MYO5B: variants seen among roughly 807,000 people sequenced by gnomAD.
MYO5B encodes the protein myosin VB, also known as unconventional myosin-Vb.
A neutral mutation model predicts 229.3 loss-of-function variants in MYO5B; 143 were observed. That is an observed-to-expected ratio of 0.62 (90% CI 0.54 to 0.72). MYO5B has a LOEUF of 0.72. Among genes scored for constraint, MYO5B ranks in the 30% least tolerant of loss-of-function variants. The pLI is 0.00. For synonymous variants in MYO5B, 918 were observed against 885.2 expected, an observed-to-expected ratio of 1.04 and a Z score of -0.66; for missense variants, 2,321 against 2,331.0, an observed-to-expected ratio of 1.00 and a Z score of 0.09.
intron 2 of MYO5B, among the ~76,000 whole-genome samples, chr18:50,043,444 T>A (rs1177232202): frequency 8.3e-6 from 1 of 120,654 alleles, no homozygotes; most frequent in Non-Finnish European, 1.6e-5. Flanking sequence ...TATTAAATAT[T>A]AAATATTTAA....
intron 4 of MYO5B, among the ~76,000 whole-genome samples, chr18:50,001,872 A>C (rs9956599): frequency 0.64 from 97,264 of 151,766 alleles, 31,800 homozygotes; most frequent in East Asian, 0.89. Flanking sequence ...TCTACTAAAA[A>C]ACAATACAAA....
At chr18:49,967,870 T>C (rs1174052467) in intron 10 of MYO5B, among the ~76,000 whole-genome samples, 1 of 152,124 alleles carries the variant, frequency 6.6e-6, no homozygotes, top group African/African-American at 2.4e-5. Flanking sequence ...CTAGTTTTTT[T>C]AGACAGAACA....
intron 4 of MYO5B, among the ~76,000 whole-genome samples, chr18:50,036,487 T>A (rs2026449972): frequency 1.3e-5 from 2 of 152,148 alleles, no homozygotes; most frequent in African/African-American, 4.8e-5. Flanking sequence ...TATCTGTAGA[T>A]CAGGCTGGGG....
intron 20 of MYO5B, 78 bp from the exon 21 acceptor site, chr18:49,902,911 T>C (rs973496602): frequency 6.4e-7 from 1 of 1,558,428 alleles, no homozygotes; most frequent in Non-Finnish European, 8.7e-7. Flanking sequence ...TCACTGCCTG[T>C]GGAGGGAAGA....
rs868560685 is a variant in MYO5B, at chr18:49,937,814, G to A, written c.1753-417C>T. On this transcript the variant is annotated intron_variant, in intron 14 of 39. Transcript: ENST00000285039. ...TAGGTTATTGGTTGCTAGGGGTTGG[G>A]GGAGAAAGGGGAAGAGGAAGGGGAA... Among the ~76,000 whole-genome samples, 9 of 152,170 alleles carry A rather than the reference G, an allele frequency of 5.9e-5. No individual in the cohort carries two copies. The South Asian group carries it at 1.9e-3, about 32-fold the overall frequency.
chr18:49,954,550 G>A (rs1353402072), intron 12 of MYO5B, 115 bp from the exon 13 acceptor site: 29 of 1,346,972 alleles, frequency 2.2e-5, no homozygotes, highest in East Asian at 1.4e-4. Flanking sequence ...TTCAGCCCTC[G>A]AACCAGGACC....
At chr18:50,023,954 C>A (rs1322887779) in intron 4 of MYO5B, among the ~76,000 whole-genome samples, 1 of 152,152 alleles carries the variant, frequency 6.6e-6, no homozygotes, top group African/African-American at 2.4e-5. Context: ...CTATGCACTA[C>A]CTCAACACAT....
At chr18:50,139,074 A>C (rs1043501529) in intron 1 of MYO5B, among the ~76,000 whole-genome samples, 7 of 152,274 alleles carry the variant, frequency 4.6e-5, no homozygotes, top group Non-Finnish European at 1.0e-4. Flanking sequence ...ATGTTCATCT[A>C]ATGTGAGGAT....
intron 1 of MYO5B, among the ~76,000 whole-genome samples, chr18:50,070,354 C>T (rs1384980586): frequency 6.6e-6 from 1 of 152,076 alleles, no homozygotes; most frequent in Non-Finnish European, 1.5e-5. Context: ...CTTCCTGCAA[C>T]CAATTTGTTC....
chr18:50,138,755 T>A (rs1223597449), intron 1 of MYO5B, among the ~76,000 whole-genome samples: 1 of 152,256 alleles, frequency 6.6e-6, no homozygotes, highest in Non-Finnish European at 1.5e-5. Flanking sequence ...AAACCCTTGT[T>A]ATCCACAGAT....
intron 4 of MYO5B, among the ~76,000 whole-genome samples, chr18:50,013,910 G>A (rs374324787): frequency 2.6e-5 from 4 of 152,182 alleles, no homozygotes; most frequent in African/African-American, 9.7e-5. Context: ...GCCCAGCAGA[G>A]GGGCTGGCAG....
Position 49,830,841 on chromosome 18 carries a change from A to G in MYO5B, c.5395-4218T>C, listed in dbSNP as rs1329163720. Among the ~76,000 whole-genome samples the G allele has an allele frequency of 2.0e-5, 3 of 151,680 alleles. No homozygotes were observed. In the East Asian group the frequency reaches 5.8e-4, roughly 29 times the overall value. The stretch of plus-strand genomic sequence containing the variant: ...TGAGACTCTGTCTCAAAAAAAAAAA[A>G]AAAAAAAAAAAGGAAAACAAAATTG... On this transcript the variant is annotated intron_variant, in intron 39 of 39. Coordinates refer to ENST00000285039, the MANE Select transcript of MYO5B (RefSeq NM_001080467.3).
At chr18:49,859,977 G>A (rs1257982350) in intron 29 of MYO5B, among the ~76,000 whole-genome samples, 2 of 152,144 alleles carry the variant, frequency 1.3e-5, no homozygotes, top group East Asian at 3.8e-4. Context: ...CCTGGTGTGT[G>A]TATTGGCGGG....
chr18:50,000,892 C>G (rs2026039029), intron 5 of MYO5B, among the ~76,000 whole-genome samples: 1 of 152,290 alleles, frequency 6.6e-6, no homozygotes, highest in East Asian at 1.9e-4. Flanking sequence ...TCTGACCCAG[C>G]AGGCCCTCAA....
At chr18:49,969,772 G>A (rs1389915927) in intron 10 of MYO5B, 1 of 152,190 alleles carries the variant, frequency 6.6e-6, no homozygotes, top group Non-Finnish European at 1.5e-5. Flanking sequence ...AAGTAACAGA[G>A]GACTGATGAG....
chr18:49,971,260 G>A (rs1449079245), intron 10 of MYO5B, among the ~76,000 whole-genome samples: 1 of 152,168 alleles, frequency 6.6e-6, no homozygotes, highest in East Asian at 1.9e-4. Flanking sequence ...GAGTAGAGAG[G>A]GCGAGAAGTG....
intron 10 of MYO5B, among the ~76,000 whole-genome samples, chr18:49,965,842 G>A (rs1355534668): frequency 2.0e-5 from 3 of 152,172 alleles, no homozygotes; most frequent in African/African-American, 7.2e-5. Context: ...CTAGAAGGAG[G>A]TATTTGAGCT....
chr18:50,057,640 A>C (rs577126298), intron 1 of MYO5B, among the ~76,000 whole-genome samples: 9 of 152,210 alleles, frequency 5.9e-5, no homozygotes, highest in Non-Finnish European at 4.4e-5. Context: ...GTACCTTTCT[A>C]GTTATATAAA....
chr18:49,980,631 T>A (rs2025804133), intron 8 of MYO5B, 78 bp from the exon 9 acceptor site: 3 of 604,680 alleles, frequency 5.0e-6, no homozygotes, highest in Non-Finnish European at 7.9e-6. Flanking sequence ...TTTAAGGACA[T>A]TTTTTTTTTT....
Sources: gnomAD v4.1 joint callset for allele counts (sites outside exome capture counted in the v4.1 genomes callset) on GRCh38, gnomAD v4.1.1 for gene constraint, MANE v1.5 for transcripts, NCBI Gene and HGNC (gene_info 2026-07-23, HGNC 2026-07-21) for gene names.